The following AJUBA variants were observed in gnomAD, a reference collection of about 807,000 sequenced individuals.
The protein encoded by AJUBA is ajuba LIM protein, also known as LIM domain-containing protein ajuba.
A neutral mutation model predicts 53.3 loss-of-function variants in AJUBA; 20 were observed. The observed-to-expected ratio is 0.38, with a 90% CI of 0.26 to 0.55. The LOEUF is 0.55. Ranked by LOEUF, AJUBA falls within the 20% of genes least tolerant of loss-of-function variation. The pLI is 0.80. For synonymous variants in AJUBA, 296 were observed against 306.2 expected (o/e 0.97, Z 0.35); for missense variants, 580 against 730.5 (o/e 0.79, Z 2.38).
In AJUBA at chr14:22,982,036, G is replaced by C. The variant is rs1457232932; in HGVS notation, c.231C>G (p.Arg77=). 1 of 1,590,558 alleles carries C rather than the reference G, an allele frequency of 6.3e-7. No homozygotes were observed. The highest frequency in any genetic ancestry group is 8.5e-7 in the Non-Finnish European group (1 of 1,173,062). Residue 77 remains arginine, a synonymous_variant, in exon 1 of 8, where the codon CGC becomes CGG. Coordinates refer to ENST00000262713, the MANE Select transcript of AJUBA (RefSeq NM_032876.6). Reference sequence around the variant, plus strand: ...CGTAGCGCGGCGCCTCAAAGGAGCCGCGCTGATTTCGCTCAGCGTCCAGGG... The same window carrying C: ...CGTAGCGCGGCGCCTCAAAGGAGCCCCGCTGATTTCGCTCAGCGTCCAGGG... ...QGSLDAERNQ[R]GSFEAPRYEG...
chr14:22,980,821 C>T, intron 1 of AJUBA: 1 of 288,634 alleles, frequency 3.5e-6, no homozygotes, highest in Non-Finnish European at 5.2e-6. Flanking sequence ...CCAGCCTGCC[C>T]CGCCCCCCCA....
chr14:22,980,706 AG>A, intron 1 of AJUBA: 1 of 984,274 alleles, frequency 1.0e-6, no homozygotes, highest in African/African-American at 1.7e-5. Flanking sequence ...CGCGTATGCT[AG>A]GGAGCGTCCC....
chr14:22,974,254 A>C (rs930998934), intron 6 of AJUBA, 139 bp from the exon 7 acceptor site: 32 of 886,636 alleles, frequency 3.6e-5, no homozygotes, highest in Middle Eastern at 2.3e-4. Context: ...CTGTAGTTTT[A>C]AGATGCTTCT....
At position 22,976,465 on chromosome 14, in the gene AJUBA, A is replaced by C; in HGVS notation, c.1230T>G (p.Ile410Met). ...AAAGCACTTTACTTACCTTCTCCAA[A>C]ATCAAGTGACCACAGACACAGCATT... Reference protein sequence around the residue: ...AEKCCVCGHLILEKILQAMGK... With the variant: ...AEKCCVCGHLMLEKILQAMGK... Residue 410 changes from isoleucine to methionine, a missense_variant, in exon 4 of 8, where the codon ATT (isoleucine) becomes ATG (methionine). Coordinates refer to ENST00000262713, the MANE Select transcript of AJUBA (RefSeq NM_032876.6). 1 of 1,614,156 alleles carries C rather than the reference A, an allele frequency of 6.2e-7. No individual in the cohort carries two copies. Among genetic ancestry groups the C allele is most frequent in the Non-Finnish European group, 8.5e-7 (1 of 1,180,024 alleles).
intron 2 of AJUBA, chr14:22,977,068 G>A (rs1392025217): frequency 4.4e-6 from 5 of 1,127,574 alleles, no homozygotes; most frequent in Non-Finnish European, 5.4e-6. Flanking sequence ...TTAATAAGGT[G>A]CTATATGATT....
chr14:22,982,069 C>T lies in AJUBA; in HGVS notation c.198G>A (p.Glu66=), dbSNP rs758917927. The T allele has an allele frequency of 6.3e-7, 1 of 1,592,530 alleles. No homozygotes were observed. Among genetic ancestry groups the T allele is most frequent in the African/African-American group, 1.4e-5 (1 of 73,510 alleles). ...PGDEPLEPAR[E]QGSLDAERNQ... Reference sequence around the variant, plus strand: ...TTCGCTCAGCGTCCAGGGAACCTTGCTCCCGGGCCGGCTCCAACGGCTCAT... The same window carrying T: ...TTCGCTCAGCGTCCAGGGAACCTTGTTCCCGGGCCGGCTCCAACGGCTCAT... Residue 66 remains glutamate (E), a synonymous_variant, in exon 1 of 8, where the codon GAG becomes GAA. Coordinates refer to ENST00000262713, the MANE Select transcript of AJUBA (RefSeq NM_032876.6).
chr14:22,982,189 C>T lies in AJUBA; in HGVS notation c.78G>A (p.Gly26=). 1 of 1,613,914 alleles carries T rather than the reference C, an allele frequency of 6.2e-7. No individual in the cohort carries two copies. The highest frequency in any genetic ancestry group is 8.5e-7 in the Non-Finnish European group (1 of 1,179,912). Residue 26 remains glycine, a synonymous_variant, in exon 1 of 8, where the codon GGG becomes GGA. Coordinates refer to ENST00000262713, the MANE Select transcript of AJUBA (RefSeq NM_032876.6). The part of the protein sequence containing the change: ...GRRKGESSRS[G]SDGTPGPGKG... ...TGCCCGGCCCGGGGGTCCCGTCAGA[C>T]CCAGACCGGCTAGATTCACCCTTTC...
chr14:22,978,097 CAG>C lies in AJUBA; in HGVS notation c.1108+245_1108+246del, dbSNP rs1594565369. ...AGCAGGGAAGCACGAGAGGGAGAAA[CAG>C]AGGTGAGGAAGGAAGGAGGGACTCC... On this transcript the variant is annotated intron_variant, in intron 2 of 7. Transcript: ENST00000262713. Among the ~76,000 whole-genome samples, 4 of 151,548 alleles carry C rather than the reference CAG, an allele frequency of 2.6e-5. 1 individual carries two copies. The South Asian group carries it at 6.3e-4, about 24-fold the overall frequency.
rs1399069009 is a variant in AJUBA at position 22,981,642 on chromosome 14, C to T, written c.625G>A (p.Ala209Thr). The stretch of plus-strand genomic sequence containing the variant: ...TGAGCGTACAATCGGTCCAGGGCGG[C>T]GTGGAGCTCCGGGTAGGCGGACGGG... ...GVPSAYPELHAALDRLYAQRP... is the reference protein window; with the variant it reads ...GVPSAYPELHTALDRLYAQRP... Residue 209 changes from alanine (A) to threonine (T), a missense_variant, in exon 1 of 8, where the codon GCC becomes ACC. Ala to Thr is a moderately conservative substitution (Grantham distance 58). Around this residue, in one of 2 missense-constraint regions of AJUBA, gnomAD observed 430 missense variants for 471.5 expected, o/e 0.91. Coordinates refer to ENST00000262713, the MANE Select transcript of AJUBA (RefSeq NM_032876.6). 42 of 1,516,042 alleles carry T rather than the reference C, an allele frequency of 2.8e-5. No homozygotes were observed. The highest frequency in any genetic ancestry group is 3.4e-5 in the Non-Finnish European group (38 of 1,134,292). 93.9% of individuals were successfully genotyped at this position (1,516,042 alleles called of 1,614,324 possible).
intron 4 of AJUBA, 23 bp downstream of exon 4, chr14:22,976,433 T>C (rs764974413): frequency 6.2e-7 from 1 of 1,612,512 alleles, no homozygotes; most frequent in South Asian, 1.1e-5. Context: ...GTGAGACTTC[T>C]CAGCTGAAAG....
intron 2 of AJUBA, among the ~76,000 whole-genome samples, chr14:22,978,109 A>G (rs1375313281): frequency 6.6e-6 from 1 of 151,984 alleles, no homozygotes; most frequent in African/African-American, 2.4e-5. Flanking sequence ...GAGGTGAGGA[A>G]GGAAGGAGGG....
intron 1 of AJUBA, chr14:22,980,497 G>A (rs2045076543): frequency 1.5e-6 from 1 of 679,168 alleles, no homozygotes; most frequent in Admixed American, 6.3e-5. Context: ...TATCCATCCA[G>A]AGGTAATGGT....
chr14:22,976,951 T>G lies in AJUBA; in HGVS notation c.1109-239A>C, dbSNP rs1167629525. On this transcript the variant is annotated intron_variant, in intron 2 of 7. Coordinates refer to ENST00000262713, the MANE Select transcript of AJUBA (RefSeq NM_032876.6). ...TGCTGCTCCTCCAGCTCCTGCCTCC[T>G]TAACAGTTTTCTAGGGCCCCTCCCC... 2.9e-6 allele frequency: 4 copies of G among 1,385,204 alleles called. No homozygotes were observed. In the African/African-American group the frequency reaches 4.4e-5, roughly 15 times the overall value. 85.8% of individuals were successfully genotyped at this position (1,385,204 alleles called of 1,614,324 possible).
At position 22,981,305 on chromosome 14, in the gene AJUBA, G is replaced by A; in HGVS notation, c.962C>T (p.Ala321Val). Reference protein sequence around the residue: ...EPPGPFVPEAARARMREPEAR... With the variant: ...EPPGPFVPEAVRARMREPEAR... The stretch of plus-strand genomic sequence containing the variant: ...CTCTGGCTCCCGCATCCGGGCCCGG[G>A]CGGCCTCCGGAACGAAAGGACCTGG... The change falls in exon 1 of 8, where the codon GCC becomes GTC. Residue 321 changes from alanine (A) to valine (V), a missense_variant. By Grantham distance (64) the Ala-to-Val change is moderately conservative (BLOSUM62 0). This residue lies in a region of AJUBA where 430 missense variants were observed against 471.5 expected (regional missense o/e 0.91). Transcript: ENST00000262713. The A allele has an allele frequency of 6.2e-7, 1 of 1,611,548 alleles. No individual in the cohort carries two copies. The highest frequency in any genetic ancestry group is 1.1e-5 in the South Asian group (1 of 91,012).
Position 22,974,115 on chromosome 14 carries a change from C to T in AJUBA, c.1423G>A (p.Gly475Ser). Residue 475 changes from glycine (G) to serine (S), a missense_variant and splice_region_variant, in exon 7 of 8, where the codon GGC becomes AGC. By Grantham distance (56) the Gly-to-Ser change is moderately conservative. Coordinates refer to ENST00000262713, the MANE Select transcript of AJUBA (RefSeq NM_032876.6). ...ACGQPILPSE[G>S]CEDIVRVISM... ...ATCACCCTCACGATGTCCTCACAGC[C>T]CTGAAACATGCAGACCCCCATGGAG... 6.2e-7 allele frequency: 1 copy of T among 1,614,104 alleles called. No individual in the cohort carries two copies. Among genetic ancestry groups the T allele is most frequent in the Non-Finnish European group, 8.5e-7 (1 of 1,180,010 alleles).
At chr14:22,978,828 T>C in intron 1 of AJUBA, 2 of 1,240,084 alleles carry the variant, frequency 1.6e-6, no homozygotes, top group Non-Finnish European at 2.1e-6. Context: ...AAGATGCCAG[T>C]CCACAGGTGC....
At position 22,973,244 on chromosome 14, in the gene AJUBA, C is replaced by A; in HGVS notation, c.*199G>T. On this transcript the variant is annotated 3_prime_UTR_variant, in exon 8 of 8. Transcript: ENST00000262713. Reference sequence around the variant, plus strand: ...ACATGGGAAAAAGGCCAGTCGCCCCCACCCTGGTAAATATAAGGTTTCTCT... The same window carrying A: ...ACATGGGAAAAAGGCCAGTCGCCCCAACCCTGGTAAATATAAGGTTTCTCT... The A allele has an allele frequency of 2.4e-6, 2 of 828,648 alleles. No homozygotes were observed. The highest frequency in any genetic ancestry group is 2.8e-5 in the East Asian group (1 of 36,096). 51.3% of individuals were successfully genotyped at this position (828,648 alleles called of 1,614,324 possible). A position where few individuals can be genotyped will look rare whatever the true frequency, so the allele number is the denominator to read the frequency against.
chr14:22,974,678 G>T (rs2045017793), intron 6 of AJUBA, 161 bp downstream of exon 6: 1 of 767,364 alleles, frequency 1.3e-6, no homozygotes, highest in Non-Finnish European at 2.0e-6. Flanking sequence ...CGGATATTAG[G>T]GTCAGGGTGG....
rs2045110504 is a variant in AJUBA, at chr14:22,982,277, C to A, written c.-11G>T. On this transcript the variant is annotated 5_prime_UTR_variant, in exon 1 of 8. The change creates a new upstream start codon in the 5' untranslated region. Coordinates refer to ENST00000262713, the MANE Select transcript of AJUBA (RefSeq NM_032876.6). ...TCCTAACCGCTCCATGCCCTCGGGCCTGGGGCCTCTCGCCCCCTCCCCGCC... is the reference window on the plus strand; with the variant it reads ...TCCTAACCGCTCCATGCCCTCGGGCATGGGGCCTCTCGCCCCCTCCCCGCC... 1 of 1,611,270 alleles carries A rather than the reference C, an allele frequency of 6.2e-7. No individual in the cohort carries two copies. Among genetic ancestry groups the A allele is most frequent in the African/African-American group, 1.3e-5 (1 of 74,708 alleles).
Sources: allele counts gnomAD v4.1 joint callset (sites outside exome capture counted in the v4.1 genomes callset), GRCh38; gene constraint gnomAD v4.1.1; regional missense constraint gnomAD v4.1.1; transcripts MANE v1.5; gene names NCBI Gene and HGNC (gene_info 2026-07-23, HGNC 2026-07-21).